SORCS3: variants seen among roughly 807,000 people sequenced by gnomAD.
SORCS3 encodes sortilin related VPS10 domain containing receptor 3.
Under a neutral mutation model 146.3 loss-of-function variants are expected in SORCS3, and 57 were observed. The observed-to-expected ratio is 0.39, with a 90% CI of 0.31 to 0.49. SORCS3 has a LOEUF of 0.49. Among genes scored for constraint, SORCS3 ranks in the 20% least tolerant of loss-of-function variants. The pLI, the probability that SORCS3 is intolerant of heterozygous loss-of-function variation, is 0.92. For missense variants in SORCS3, 1,341 were observed against 1,575.5 expected, an observed-to-expected ratio of 0.85 and a Z score of 2.52; for synonymous variants, 653 against 618.5, an observed-to-expected ratio of 1.06 and a Z score of -0.83.
Position 105,164,376 on chromosome 10 carries a change from A to T in SORCS3, c.1806A>T (p.Arg602Ser), listed in dbSNP as rs765565245. 6.2e-7 allele frequency: 1 copy of T among 1,610,672 alleles called. No individual in the cohort carries two copies. The highest frequency in any genetic ancestry group is 8.5e-7 in the Non-Finnish European group (1 of 1,176,984). The part of the protein sequence containing the change: ...FISSDGGNTW[R>S]QIFDEEYNVW... ...CCTCCGATGGGGGCAACACATGGAG[A>T]CAGGTAACTGGGTGAATTGACAAAA... Residue 602 changes from arginine to serine, a missense_variant, in exon 12 of 27, where the codon AGA becomes AGT. Arg to Ser is a moderately radical substitution (Grantham distance 110, BLOSUM62 -1). Transcript: ENST00000369701.
intron 3 of SORCS3, among the ~76,000 whole-genome samples, chr10:104,922,745 C>G (rs1373304852): frequency 6.6e-6 from 1 of 150,626 alleles, no homozygotes; most frequent in Non-Finnish European, 1.5e-5. Flanking sequence ...ACTGTTATCC[C>G]TGTTTCCAGT....
At chr10:105,211,776 A>T (rs564037684) in intron 17 of SORCS3, among the ~76,000 whole-genome samples, 1 of 152,344 alleles carries the variant, frequency 6.6e-6, no homozygotes, top group East Asian at 1.9e-4. Flanking sequence ...CGCATGCTTG[A>T]AAAACATTTT....
chr10:104,924,014 G>A (rs112208571), intron 3 of SORCS3, among the ~76,000 whole-genome samples: 1 of 152,174 alleles, frequency 6.6e-6, no homozygotes, highest in East Asian at 1.9e-4. Context: ...ATGTTGGCAC[G>A]ATCATCATGC....
intron 7 of SORCS3, among the ~76,000 whole-genome samples, chr10:105,138,342 G>C (rs560786188): frequency 6.6e-6 from 1 of 152,114 alleles, no homozygotes; most frequent in African/African-American, 2.4e-5. Context: ...AGGAGAGATG[G>C]GTGGCTTCAG....
rs549483708 is a variant in SORCS3, at chr10:104,694,512, G to C, written c.627+52558G>C. 2.0e-5 allele frequency among the ~76,000 whole-genome samples: 3 copies of C among 152,026 alleles called. No homozygotes were observed. The South Asian group carries it at 6.2e-4, about 32-fold the overall frequency. On this transcript the variant is annotated intron_variant, in intron 1 of 26. Transcript: ENST00000369701. ...CATTCCCCAGCTGCTTTAAGTATTGGCAGCTAAGCTTCTCCCTAGGAACTG... is the reference window on the plus strand; with the variant it reads ...CATTCCCCAGCTGCTTTAAGTATTGCCAGCTAAGCTTCTCCCTAGGAACTG...
At chr10:104,951,737 A>C (rs1290844954) in intron 3 of SORCS3, among the ~76,000 whole-genome samples, 1 of 152,178 alleles carries the variant, frequency 6.6e-6, no homozygotes, top group East Asian at 1.9e-4. Flanking sequence ...TTTCATGATT[A>C]TTTTGAACCC....
At chr10:104,714,065 T>A (rs2016449789) in intron 1 of SORCS3, among the ~76,000 whole-genome samples, 1 of 152,174 alleles carries the variant, frequency 6.6e-6, no homozygotes, top group Non-Finnish European at 1.5e-5. Flanking sequence ...TAATTTATTA[T>A]CCTTTTAATG....
At chr10:104,987,483 A>T (rs530561737) in intron 4 of SORCS3, among the ~76,000 whole-genome samples, 1 of 152,344 alleles carries the variant, frequency 6.6e-6, no homozygotes, top group Admixed American at 6.5e-5. Flanking sequence ...GGGCTGATTT[A>T]GTAAAACCCT....
chr10:105,053,258 A>T (rs1029457125), intron 5 of SORCS3, among the ~76,000 whole-genome samples: 4 of 152,050 alleles, frequency 2.6e-5, no homozygotes, highest in African/African-American at 9.7e-5. Context: ...GGAGAGATAC[A>T]ATTCAGTCCA....
chr10:105,088,542 T>C lies in SORCS3; in HGVS notation c.1029-1233T>C, dbSNP rs763612577. Reference sequence around the variant, plus strand: ...GAAGTAATAATTTTATTTTAACCAATAAAAATCATTTTAGTTTTTCTAAAA... The same window carrying C: ...GAAGTAATAATTTTATTTTAACCAACAAAAATCATTTTAGTTTTTCTAAAA... On this transcript the variant is annotated intron_variant, in intron 5 of 26. Transcript: ENST00000369701. Among the ~76,000 whole-genome samples the C allele has an allele frequency of 2.1e-5, 3 of 140,662 alleles. No homozygotes were observed. In the South Asian group the frequency reaches 6.5e-4, roughly 31 times the overall value. 92.3% of individuals were successfully genotyped at this position (140,662 alleles called of 152,430 possible).
chr10:105,081,863 C>A (rs895904939), intron 5 of SORCS3, among the ~76,000 whole-genome samples: 3 of 152,120 alleles, frequency 2.0e-5, no homozygotes, highest in African/African-American at 4.8e-5. Context: ...AATGACAATA[C>A]CCTCAGGAAG....
intron 5 of SORCS3, among the ~76,000 whole-genome samples, chr10:105,088,282 G>C (rs1267380205): frequency 2.6e-5 from 4 of 152,088 alleles, no homozygotes; most frequent in African/African-American, 9.7e-5. Context: ...CTTACCTTAG[G>C]GGTCTGCTGT....
chr10:104,660,923 A>C (rs776038741), intron 1 of SORCS3, among the ~76,000 whole-genome samples: 1 of 152,156 alleles, frequency 6.6e-6, no homozygotes, highest in Non-Finnish European at 1.5e-5. Context: ...AAGTACTTAC[A>C]ATGATGGATT....
At chr10:105,053,621 A>T (rs116835358) in intron 5 of SORCS3, among the ~76,000 whole-genome samples, 8,941 of 151,926 alleles carry the variant, frequency 0.059, 284 homozygotes, top group Middle Eastern at 0.088. Context: ...ATATTTAAAT[A>T]TTTTTCATTC....
At chr10:105,016,155 A>ATATATATATATATATATATTT (rs71482443) in intron 4 of SORCS3, among the ~76,000 whole-genome samples, 5 of 101,304 alleles carry the variant, frequency 4.9e-5, no homozygotes, top group African/African-American at 1.9e-4. Context: ...ATATATATAT[A>ATATATATATATATATATATTT]TTTTTTTTTT....
At chr10:105,114,082 C>T (rs987862788) in intron 7 of SORCS3, among the ~76,000 whole-genome samples, 1 of 151,872 alleles carries the variant, frequency 6.6e-6, no homozygotes, top group East Asian at 1.9e-4. Flanking sequence ...AGATTCATAC[C>T]CTGGCTACCC....
intron 20 of SORCS3, among the ~76,000 whole-genome samples, chr10:105,242,644 A>ACATT (rs1564793724): frequency 3.8e-5 from 4 of 105,030 alleles, no homozygotes; most frequent in South Asian, 3.2e-4. Flanking sequence ...ACATTTATAT[A>ACATT]TATATTTATA....
intron 12 of SORCS3, among the ~76,000 whole-genome samples, chr10:105,165,204 A>G (rs1298270647): frequency 6.6e-6 from 1 of 152,138 alleles, no homozygotes; most frequent in Non-Finnish European, 1.5e-5. Flanking sequence ...TCAAAATTAA[A>G]TAGGAGAAAT....
At chr10:105,222,111 T>C (rs1209054025) in intron 19 of SORCS3, among the ~76,000 whole-genome samples, 1 of 137,358 alleles carries the variant, frequency 7.3e-6, no homozygotes, top group Non-Finnish European at 1.5e-5. Flanking sequence ...CAGGCTGGAG[T>C]GCAATGGTGC....
Sources: allele counts gnomAD v4.1 joint callset (sites outside exome capture counted in the v4.1 genomes callset), GRCh38; gene constraint gnomAD v4.1.1; transcripts MANE v1.5; gene names NCBI Gene and HGNC (gene_info 2026-07-23, HGNC 2026-07-21).